GRK7: variants seen among roughly 807,000 people sequenced by gnomAD.
GRK7 encodes the protein G protein-coupled receptor kinase 7.
A neutral mutation model predicts 34.1 loss-of-function variants in GRK7; 24 were observed. That is an observed-to-expected ratio of 0.70 (90% confidence interval 0.51 to 0.99). The LOEUF is 0.99. Ranked by LOEUF, GRK7 falls within the 50% of genes least tolerant of loss-of-function variation. The pLI, the probability that GRK7 is intolerant of heterozygous loss-of-function variation, is 0.00. For synonymous variants in GRK7, 256 were observed against 279.4 expected (o/e 0.92, Z 0.84); for missense variants, 644 against 707.3 (o/e 0.91, Z 1.02).
At position 141,818,713 on chromosome 3, in the gene GRK7, T is replaced by A. The variant is rs1711179782; in HGVS notation, c.*1663T>A. Among the ~76,000 whole-genome samples the A allele has an allele frequency of 6.6e-6, 1 of 152,094 alleles. No individual in the cohort carries two copies. Among genetic ancestry groups the A allele is most frequent in the Non-Finnish European group, 1.5e-5 (1 of 68,008 alleles). ...GTATGTGCACATAATAAAATCTAAA[T>A]TTATCCCAGTGGTAAAAAAAACCTG... On this transcript the variant is annotated 3_prime_UTR_variant, in exon 6 of 6. Transcript: ENST00000682958.
At chr3:141,771,891 G>T (rs1352241461) in intron 1 of GRK7, among the ~76,000 whole-genome samples, 2 of 151,460 alleles carry the variant, frequency 1.3e-5, no homozygotes, top group African/African-American at 4.9e-5. Flanking sequence ...CACCATATTG[G>T]TCAGGCTGGT....
the GRK7 span, among the ~76,000 whole-genome samples, chr3:141,751,541 C>T: frequency 6.6e-6 from 1 of 152,242 alleles, no homozygotes; most frequent in South Asian, 2.1e-4. Flanking sequence ...AACCATTTCT[C>T]ATGTGGATTA....
intron 1 of GRK7, among the ~76,000 whole-genome samples, chr3:141,769,719 C>T (rs931235275): frequency 1.3e-5 from 2 of 152,178 alleles, no homozygotes; most frequent in Non-Finnish European, 2.9e-5. Context: ...TGAGGAAAGA[C>T]ACCAGGGCAT....
intron 1 of GRK7, among the ~76,000 whole-genome samples, chr3:141,772,435 C>A (rs527381361): frequency 1.3e-5 from 2 of 152,196 alleles, no homozygotes; most frequent in Non-Finnish European, 2.9e-5. Context: ...TGCTTCAGAA[C>A]TTACACTGCT....
chr3:141,806,505 G>A (rs1711037958), intron 4 of GRK7, among the ~76,000 whole-genome samples: 1 of 152,114 alleles, frequency 6.6e-6, no homozygotes, highest in Non-Finnish European at 1.5e-5. Flanking sequence ...AGAGGTTGCA[G>A]TGAGCTGAGA....
At chr3:141,750,828 G>T in the GRK7 span, among the ~76,000 whole-genome samples, 1 of 151,168 alleles carries the variant, frequency 6.6e-6, no homozygotes, top group Admixed American at 6.6e-5. Context: ...CTCCCACAGT[G>T]GTTCCCAAAG....
At chr3:141,777,997 C>T (rs979249233) in intron 2 of GRK7, among the ~76,000 whole-genome samples, 175 bp from the exon 3 acceptor site, 1 of 152,202 alleles carries the variant, frequency 6.6e-6, no homozygotes. Flanking sequence ...TGGAGAAAGA[C>T]CCTAAGATGA....
the GRK7 span, among the ~76,000 whole-genome samples, chr3:141,751,009 C>G: frequency 0.047 from 7,150 of 152,184 alleles, 147 homozygotes; most frequent in South Asian, 0.084. Context: ...TGAATAGCTA[C>G]TGCACTCCAG....
At chr3:141,790,928 A>C (rs906172989) in intron 4 of GRK7, among the ~76,000 whole-genome samples, 1 of 152,244 alleles carries the variant, frequency 6.6e-6, no homozygotes, top group Non-Finnish European at 1.5e-5. Context: ...CTACATGCAC[A>C]CAGTGAAACT....
At chr3:141,810,327 CCT>C (rs775463520) in intron 5 of GRK7, among the ~76,000 whole-genome samples, 135 of 22,898 alleles carry the variant, frequency 5.9e-3, no homozygotes, top group Non-Finnish European at 5.2e-3. Flanking sequence ...TTCCTCTCTC[CCT>C]CTCTCTCTCT....
At chr3:141,800,380 T>TAA (rs5853047) in intron 4 of GRK7, among the ~76,000 whole-genome samples, 18 of 79,528 alleles carry the variant, frequency 2.3e-4, no homozygotes, top group South Asian at 5.1e-4. Flanking sequence ...TTGTCATTTG[T>TAA]AAAAAAAAAA....
chr3:141,753,494 A>T, the GRK7 span, among the ~76,000 whole-genome samples: 12 of 152,184 alleles, frequency 7.9e-5, no homozygotes. Context: ...AGATTCTCAT[A>T]AGGAGCGCCC....
In GRK7 at chr3:141,807,692, A is replaced by G. The variant is rs1577926533; in HGVS notation, c.1098A>G (p.Val366=). 1 of 1,614,136 alleles carries G rather than the reference A, an allele frequency of 6.2e-7. No individual in the cohort carries two copies. The highest frequency in any genetic ancestry group is 1.6e-4 in the Middle Eastern group (1 of 6,062). ...YMAPEILMEK[V]SYSYPVDWFA... ...CTCCTGAGATCCTAATGGAAAAGGTAAGTTATTCCTATCCTGTGGACTGGT... is the reference window on the plus strand; with the variant it reads ...CTCCTGAGATCCTAATGGAAAAGGTGAGTTATTCCTATCCTGTGGACTGGT... Residue 366 remains valine, a synonymous_variant, in exon 5 of 6, where the codon GTA becomes GTG. Coordinates refer to ENST00000682958, the MANE Select transcript of GRK7 (RefSeq NM_139209.3).
At chr3:141,776,919 G>A (rs890350181) in intron 2 of GRK7, among the ~76,000 whole-genome samples, 1 of 152,164 alleles carries the variant, frequency 6.6e-6, no homozygotes, top group African/African-American at 2.4e-5. Flanking sequence ...GTGGGGCACA[G>A]GTTGTTATTT....
At chr3:141,797,305 A>C (rs760784922) in intron 4 of GRK7, among the ~76,000 whole-genome samples, 1 of 152,154 alleles carries the variant, frequency 6.6e-6, no homozygotes, top group Non-Finnish European at 1.5e-5. Flanking sequence ...TCCGCGCGAC[A>C]CTGCGGCGCT....
At chr3:141,813,010 T>G (rs1711108344) in intron 5 of GRK7, among the ~76,000 whole-genome samples, 1 of 152,204 alleles carries the variant, frequency 6.6e-6, no homozygotes, top group Non-Finnish European at 1.5e-5. Flanking sequence ...TGGATGGCAT[T>G]CTAGCTCTAT....
intron 4 of GRK7, among the ~76,000 whole-genome samples, chr3:141,791,196 A>G (rs554332535): frequency 6.6e-6 from 1 of 152,324 alleles, no homozygotes; most frequent in South Asian, 2.1e-4. Context: ...TCAGAGGGAT[A>G]ATGGGAGACA....
chr3:141,785,311 G>T (rs924193678), intron 4 of GRK7, among the ~76,000 whole-genome samples: 1 of 152,146 alleles, frequency 6.6e-6, no homozygotes, highest in African/African-American at 2.4e-5. Flanking sequence ...CCAGATTTTG[G>T]TATAGATTTG....
chr3:141,791,371 T>C (rs919335956), intron 4 of GRK7, among the ~76,000 whole-genome samples: 15 of 152,222 alleles, frequency 9.9e-5, no homozygotes, highest in Admixed American at 9.8e-4. Context: ...TTTTTTTTTC[T>C]TTAAGTGCTC....
Sources: gnomAD v4.1 joint callset for allele counts (sites outside exome capture counted in the v4.1 genomes callset) on GRCh38, gnomAD v4.1.1 for gene constraint, MANE v1.5 for transcripts, NCBI Gene and HGNC (gene_info 2026-07-23, HGNC 2026-07-21) for gene names.